OMA1: variants seen among roughly 807,000 people sequenced by gnomAD.
OMA1 encodes metalloendopeptidase OMA1, mitochondrial.
OMA1 carries 38 observed loss-of-function variants against 30.9 expected under a neutral mutation model. The ratio of observed to expected loss-of-function variants is 1.23; its 90% CI spans 0.95 to 1.61. OMA1 has a LOEUF of 1.61. OMA1 is among the 40% of genes most tolerant of loss of function. The pLI is 0.00. For missense variants in OMA1, 461 were observed against 349.2 expected (o/e 1.32, Z -2.55); for synonymous variants, 173 against 121.9 (o/e 1.42, Z -2.76).
At chr1:58,503,398 A>G (rs1029686199) in intron 8 of OMA1, among the ~76,000 whole-genome samples, 1 of 152,152 alleles carries the variant, frequency 6.6e-6, no homozygotes, top group Non-Finnish European at 1.5e-5. Context: ...TAATTACTAC[A>G]TATTATATCA....
chr1:58,498,717 C>T (rs992752298), intron 8 of OMA1, among the ~76,000 whole-genome samples: 1 of 152,132 alleles, frequency 6.6e-6, no homozygotes, highest in African/African-American at 2.4e-5. Flanking sequence ...TAACATATTA[C>T]AGTTTCCCTC....
intron 6 of OMA1, among the ~76,000 whole-genome samples, chr1:58,529,672 C>T (rs550441345): frequency 1.2e-4 from 19 of 152,170 alleles, no homozygotes; most frequent in Non-Finnish European, 2.2e-4. Context: ...AGTTGGCTCT[C>T]TATATCTGTG....
intron 8 of OMA1, among the ~76,000 whole-genome samples, chr1:58,498,007 A>G (rs537780494): frequency 6.6e-6 from 1 of 152,276 alleles, no homozygotes; most frequent in South Asian, 2.1e-4. Flanking sequence ...TCAACTAAGA[A>G]CTATGAAGCA....
intron 2 of OMA1, 128 bp downstream of exon 2, chr1:58,538,667 C>A (rs990858804): frequency 1.8e-4 from 90 of 508,808 alleles, no homozygotes; most frequent in Non-Finnish European, 2.8e-4. Flanking sequence ...GACAGGGGAT[C>A]TGGCAAGGTT....
At chr1:58,484,169 C>T (rs2100355203) in intron 8 of OMA1, among the ~76,000 whole-genome samples, 1 of 152,326 alleles carries the variant, frequency 6.6e-6, no homozygotes, top group East Asian at 1.9e-4. Flanking sequence ...TAGTCATGGT[C>T]CCTGCCCTCA....
At chr1:58,517,250 G>A (rs1646171569) in intron 7 of OMA1, among the ~76,000 whole-genome samples, 1 of 152,194 alleles carries the variant, frequency 6.6e-6, no homozygotes, top group East Asian at 1.9e-4. Flanking sequence ...TAGACAAGGT[G>A]TAAAATCCTT....
intron 8 of OMA1, among the ~76,000 whole-genome samples, chr1:58,501,950 C>A (rs567986525): frequency 7.5e-4 from 114 of 151,942 alleles, no homozygotes; most frequent in Non-Finnish European, 1.3e-3. Context: ...GCCCCCAGCA[C>A]CAAATTTATT....
intron 3 of OMA1, among the ~76,000 whole-genome samples, chr1:58,534,772 C>T (rs1012760804): frequency 6.6e-6 from 1 of 151,984 alleles, no homozygotes; most frequent in African/African-American, 2.4e-5. Flanking sequence ...CCGTCTCTAC[C>T]GAAAACACAA....
At chr1:58,506,400 T>C (rs1241411325) in intron 7 of OMA1, among the ~76,000 whole-genome samples, 191 bp from the exon 8 acceptor site, 1 of 152,256 alleles carries the variant, frequency 6.6e-6, no homozygotes, top group African/African-American at 2.4e-5. Flanking sequence ...ACTCGTCATT[T>C]AGCATTAGTT....
chr1:58,488,127 A>G (rs576592339), intron 8 of OMA1, among the ~76,000 whole-genome samples: 5 of 152,292 alleles, frequency 3.3e-5, no homozygotes, highest in Admixed American at 2.6e-4. Flanking sequence ...ATACAGATTT[A>G]GTAAAAACTC....
At chr1:58,541,843 G>A (rs1364257320) in intron 1 of OMA1, among the ~76,000 whole-genome samples, 2 of 151,958 alleles carry the variant, frequency 1.3e-5, no homozygotes, top group African/African-American at 4.8e-5. Context: ...CACACACAAA[G>A]GACATAAAGT....
chr1:58,495,969 G>C (rs1211623895), intron 8 of OMA1, among the ~76,000 whole-genome samples: 1 of 152,104 alleles, frequency 6.6e-6, no homozygotes, highest in Admixed American at 6.6e-5. Flanking sequence ...AAATATCTAA[G>C]CTTGTCATTT....
chr1:58,489,317 T>C (rs993753031), intron 8 of OMA1, among the ~76,000 whole-genome samples: 1 of 152,102 alleles, frequency 6.6e-6, no homozygotes, highest in African/African-American at 2.4e-5. Flanking sequence ...GCTCAAAGGG[T>C]CCTACGCCCA....
chr1:58,530,818 C>T, intron 5 of OMA1, 89 bp from the exon 6 acceptor site: 1 of 732,946 alleles, frequency 1.4e-6, no homozygotes, highest in Non-Finnish European at 2.4e-6. Context: ...GTTACAATTA[C>T]CTGACCTTCT....
rs140818093 is a variant in OMA1 at position 58,497,656 on chromosome 1, G to A, written c.1365+8404C>T. 1.7e-3 allele frequency among the ~76,000 whole-genome samples: 257 copies of A among 152,246 alleles called. No individual in the cohort carries two copies. The Middle Eastern group carries it at 0.017, about 10-fold the overall frequency. ...TTTTCTCAGAGAAATATGTATCTAC[G>A]AAGGAAATCTCTAATTTGCAAGTAT... On this transcript the variant is annotated intron_variant, in intron 8 of 8. Coordinates refer to ENST00000371226, the MANE Select transcript of OMA1 (RefSeq NM_145243.5).
chr1:58,545,828 T>A (rs774123654), intron 1 of OMA1, among the ~76,000 whole-genome samples: 20 of 152,176 alleles, frequency 1.3e-4, no homozygotes, highest in Admixed American at 2.6e-4. Flanking sequence ...TTTAAAATAA[T>A]CATTCAAGCA....
chr1:58,489,399 G>T (rs1322232909), intron 8 of OMA1, among the ~76,000 whole-genome samples: 1 of 152,228 alleles, frequency 6.6e-6, no homozygotes, highest in Non-Finnish European at 1.5e-5. Flanking sequence ...TGGGGGAGGG[G>T]TGCCTGCCAT....
intron 8 of OMA1, among the ~76,000 whole-genome samples, chr1:58,491,999 G>A (rs1645702612): frequency 6.6e-6 from 1 of 152,040 alleles, no homozygotes; most frequent in Middle Eastern, 3.2e-3. Flanking sequence ...TTCCAAAATT[G>A]ACCACATAGT....
At chr1:58,541,558 A>G (rs1248255180) in intron 1 of OMA1, 4 of 130,872 alleles carry the variant, frequency 3.1e-5, no homozygotes, top group African/African-American at 1.1e-4. Context: ...AAGAGACTGC[A>G]GTGAGCCAAA....
Sources: allele counts gnomAD v4.1 joint callset (sites outside exome capture counted in the v4.1 genomes callset), GRCh38; gene constraint gnomAD v4.1.1; transcripts MANE v1.5; gene names NCBI Gene and HGNC (gene_info 2026-07-23, HGNC 2026-07-21).